ESR1: variants seen among roughly 807,000 people sequenced by gnomAD.
The protein encoded by ESR1 is estrogen receptor.
ESR1 carries 12 observed loss-of-function variants against 52.7 expected under a neutral mutation model. The ratio of observed to expected loss-of-function variants is 0.23; its 90% CI spans 0.15 to 0.37. ESR1 has a LOEUF of 0.37. ESR1 is among the 10% of genes least tolerant of loss of function. The pLI, the probability that ESR1 is intolerant of heterozygous loss-of-function variation, is 1.00. For synonymous variants in ESR1, 305 were observed against 316.8 expected, an observed-to-expected ratio of 0.96 and a Z score of 0.39; for missense variants, 584 against 779.7, an observed-to-expected ratio of 0.75 and a Z score of 2.99.
intron 3 of ESR1, among the ~76,000 whole-genome samples, chr6:151,905,965 T>C (rs1282563322): frequency 1.3e-5 from 2 of 152,180 alleles, no homozygotes; most frequent in Non-Finnish European, 2.9e-5. Flanking sequence ...ATTGGAACGC[T>C]AAGCATGTGG....
intron 3 of ESR1, among the ~76,000 whole-genome samples, chr6:151,915,388 T>C (rs2029871485): frequency 1.3e-5 from 2 of 152,300 alleles, no homozygotes; most frequent in South Asian, 4.1e-4. Flanking sequence ...GTCTATGTTT[T>C]CTCTGAAATT....
intron 6 of ESR1, among the ~76,000 whole-genome samples, chr6:152,118,724 T>C (rs942199056): frequency 6.6e-6 from 1 of 152,098 alleles, no homozygotes; most frequent in Non-Finnish European, 1.5e-5. Flanking sequence ...GGCACATGTA[T>C]ACCTGTGTAA....
chr6:152,116,642 C>T (rs1352160427), intron 6 of ESR1, among the ~76,000 whole-genome samples: 5 of 151,220 alleles, frequency 3.3e-5, no homozygotes, highest in African/African-American at 1.2e-4. Flanking sequence ...ACATACACAG[C>T]GAGAAAGAAA....
At chr6:151,790,291 G>C (rs909012291) in intron 2 of ESR1, among the ~76,000 whole-genome samples, 6 of 152,210 alleles carry the variant, frequency 3.9e-5, no homozygotes, top group African/African-American at 1.4e-4. Flanking sequence ...GACACAGACA[G>C]CTTTTCTTGC....
intron 2 of ESR1, among the ~76,000 whole-genome samples, chr6:151,777,545 A>C (rs1464806154): frequency 6.6e-6 from 1 of 152,224 alleles, no homozygotes; most frequent in East Asian, 1.9e-4. Context: ...GATTTAATGC[A>C]GAGGGAATTG....
chr6:151,743,275 G>A (rs1310839011), intron 2 of ESR1, among the ~76,000 whole-genome samples: 1 of 152,128 alleles, frequency 6.6e-6, no homozygotes, highest in Non-Finnish European at 1.5e-5. Context: ...GGACTTGATC[G>A]TGGGGGCTTA....
chr6:151,808,180 G>C lies in ESR1; in HGVS notation c.268G>C (p.Gly90Arg). ...CCCCGGGTCTGAGGCTGCGGCGTTC[G>C]GCTCCAACGGCCTGGGGGGTTTCCC... ...YGPGSEAAAFGSNGLGGFPPL... is the reference protein window; with the variant it reads ...YGPGSEAAAFRSNGLGGFPPL... The change falls in exon 1 of 8, where the codon GGC becomes CGC. Residue 90 changes from glycine to arginine, a missense_variant. By Grantham distance (125) the Gly-to-Arg change is moderately radical. Transcript: ENST00000206249. 6.3e-6 allele frequency: 10 copies of C among 1,580,754 alleles called. No individual in the cohort carries two copies. Among genetic ancestry groups the C allele is most frequent in the Non-Finnish European group, 8.6e-6 (10 of 1,163,540 alleles).
At chr6:152,038,484 A>G (rs1326025897) in intron 5 of ESR1, among the ~76,000 whole-genome samples, 1 of 152,198 alleles carries the variant, frequency 6.6e-6, no homozygotes, top group Non-Finnish European at 1.5e-5. Context: ...TCCTTAAATC[A>G]TACATGATCT....
At chr6:151,845,318 C>T (rs908987098) in intron 2 of ESR1, among the ~76,000 whole-genome samples, 1 of 152,098 alleles carries the variant, frequency 6.6e-6, no homozygotes, top group Admixed American at 6.5e-5. Flanking sequence ...GGCCTGTAAC[C>T]CCAGCAGTTT....
chr6:152,033,376 A>G (rs2044927483), intron 5 of ESR1, among the ~76,000 whole-genome samples: 1 of 152,236 alleles, frequency 6.6e-6, no homozygotes, highest in Admixed American at 6.5e-5. Context: ...ATGGGAGAAA[A>G]TCTTTGCAAT....
At chr6:151,749,257 C>T (rs547055020) in intron 2 of ESR1, among the ~76,000 whole-genome samples, 2 of 150,322 alleles carry the variant, frequency 1.3e-5, no homozygotes, top group South Asian at 2.1e-4. Context: ...GAGAGTAAGC[C>T]ATTTTTAAAA....
chr6:152,057,769 G>A (rs1230264740), intron 5 of ESR1, among the ~76,000 whole-genome samples: 1 of 151,822 alleles, frequency 6.6e-6, no homozygotes, highest in African/African-American at 2.4e-5. Context: ...CACCATCCCT[G>A]AGGGCACAGT....
At position 152,100,615 on chromosome 6, in the gene ESR1, G is replaced by A. The variant is rs960300715; in HGVS notation, c.*1649G>A. ...TTTCCTCTGGGTGACCTTATTGTCT[G>A]TAATTGAAACCCTATTGAGAGGTGA... On this transcript the variant is annotated 3_prime_UTR_variant, in exon 8 of 8. Coordinates refer to ENST00000206249, the MANE Select transcript of ESR1 (RefSeq NM_000125.4). The A allele has an allele frequency of 2.2e-5, 5 of 231,726 alleles. No individual in the cohort carries two copies. The highest frequency in any genetic ancestry group is 4.4e-5 in the African/African-American group (2 of 45,194). The allele number at this position is 231,726 out of a possible 1,614,324, so 14.4% of individuals were successfully genotyped here.
chr6:151,883,504 G>A (rs548738071), intron 3 of ESR1, among the ~76,000 whole-genome samples: 2 of 151,698 alleles, frequency 1.3e-5, no homozygotes, highest in South Asian at 4.2e-4. Context: ...CTGCGTCCGA[G>A]CACTCTTGGT....
upstream of ESR1, among the ~76,000 whole-genome samples, chr6:151,806,557 T>TATACAC (rs1554259008): frequency 1.3e-4 from 17 of 133,790 alleles, no homozygotes; most frequent in African/African-American, 4.8e-4. Context: ...TATATATATA[T>TATACAC]ACACATATAT....
chr6:151,831,121 A>G (rs2128213994), intron 1 of ESR1, among the ~76,000 whole-genome samples: 1 of 151,060 alleles, frequency 6.6e-6, no homozygotes, highest in East Asian at 1.9e-4. Flanking sequence ...TACAATAAAT[A>G]ATTGTAGACA....
intron 2 of ESR1, among the ~76,000 whole-genome samples, chr6:151,787,078 G>A (rs929865036): frequency 6.6e-6 from 1 of 152,096 alleles, no homozygotes; most frequent in African/African-American, 2.4e-5. Context: ...CAAAGTACTG[G>A]GATTACAGGC....
In ESR1 at chr6:152,114,846, G is replaced by A. The variant is rs182080206; in HGVS notation, c.851-10420G>A. Among the ~76,000 whole-genome samples the A allele has an allele frequency of 3.7e-4, 48 of 129,476 alleles. No individual in the cohort carries two copies. The East Asian group carries it at 0.01, about 28-fold the overall frequency. 84.9% of individuals were successfully genotyped at this position (129,476 alleles called of 152,430 possible). On this transcript the variant is annotated intron_variant, in intron 6 of 6. Coordinates refer to the ESR1 transcript ENST00000427531. ...GCGGAGCTTGCAGTGAGCCGAGATC[G>A]CGCCACTGCACTCCAGCCTGGGTGA...
chr6:152,055,539 C>A (rs6906701), intron 5 of ESR1, among the ~76,000 whole-genome samples: 33,267 of 152,082 alleles, frequency 0.22, 5,280 homozygotes, highest in African/African-American at 0.44. Flanking sequence ...GACCCTTTTA[C>A]TTTTCATCGC....
Sources: allele counts gnomAD v4.1 joint callset (sites outside exome capture counted in the v4.1 genomes callset), GRCh38; gene constraint gnomAD v4.1.1; transcripts MANE v1.5; gene names NCBI Gene and HGNC (gene_info 2026-07-23, HGNC 2026-07-21).